The following BICD1 variants were observed in gnomAD, a reference collection of about 807,000 sequenced individuals.
BICD1 encodes the protein protein bicaudal D homolog 1.
BICD1 carries 35 observed loss-of-function variants against 92.5 expected under a neutral mutation model. The ratio of observed to expected loss-of-function variants is 0.38; its 90% CI spans 0.29 to 0.50. The LOEUF (loss-of-function observed/expected upper bound fraction) is 0.50. BICD1 is among the 20% of genes least tolerant of loss of function. The pLI is 0.93. For synonymous variants in BICD1, 429 were observed against 465.1 expected (o/e 0.92, Z 1.00); for missense variants, 950 against 1,189.8 (o/e 0.80, Z 2.97).
chr12:32,148,315 A>T (rs1421832496), intron 1 of BICD1, among the ~76,000 whole-genome samples: 1 of 152,008 alleles, frequency 6.6e-6, no homozygotes, highest in African/African-American at 2.4e-5. Flanking sequence ...GGCAAATCTC[A>T]TACTGATTCT....
chr12:32,279,209 C>A (rs761014091), intron 2 of BICD1, among the ~76,000 whole-genome samples: 1 of 152,042 alleles, frequency 6.6e-6, no homozygotes, highest in South Asian at 2.1e-4. Context: ...CTGGGACTTG[C>A]GGGGATAGAA....
rs749084742 is a variant in BICD1, at chr12:32,327,617, A to G, written c.1162A>G (p.Lys388Glu). The change falls in exon 5 of 10, where the codon AAG becomes GAG. Residue 388 changes from lysine to glutamate, a missense_variant. By Grantham distance (56) the Lys-to-Glu change is moderately conservative. Transcript: ENST00000652176. Reference sequence around the variant, plus strand: ...GGGCCTGCAAAGCAGCAAGGAGCTCAAGGCTGAGCTGGACGGGGAGAAGGG... The same window carrying G: ...GGGCCTGCAAAGCAGCAAGGAGCTCGAGGCTGAGCTGGACGGGGAGAAGGG... The part of the protein sequence containing the change: ...MRGLQSSKEL[K>E]AELDGEKGRD... 4 of 1,614,040 alleles carry G rather than the reference A, an allele frequency of 2.5e-6. No homozygotes were observed. In the South Asian group the frequency reaches 4.4e-5, roughly 18 times the overall value.
intron 8 of BICD1, among the ~76,000 whole-genome samples, chr12:32,363,142 G>A (rs753491552): frequency 6.6e-6 from 1 of 151,932 alleles, no homozygotes; most frequent in Non-Finnish European, 1.5e-5. Context: ...TCCCTTCTAC[G>A]TGAGGCCCTT....
At chr12:32,192,942 T>C (rs1442271295) in intron 1 of BICD1, among the ~76,000 whole-genome samples, 1 of 152,214 alleles carries the variant, frequency 6.6e-6, no homozygotes, top group Non-Finnish European at 1.5e-5. Context: ...TTCTTATGGA[T>C]GAACATCCTT....
At chr12:32,132,575 G>A (rs1181546186) in intron 1 of BICD1, among the ~76,000 whole-genome samples, 1 of 152,132 alleles carries the variant, frequency 6.6e-6, no homozygotes, top group African/African-American at 2.4e-5. Flanking sequence ...CCTAGTCACT[G>A]TCATTACAAA....
At chr12:32,164,250 C>T (rs1419521839) in intron 1 of BICD1, among the ~76,000 whole-genome samples, 1 of 152,164 alleles carries the variant, frequency 6.6e-6, no homozygotes, top group Non-Finnish European at 1.5e-5. Context: ...TGTTAATTAT[C>T]CTGATAATGT....
intron 8 of BICD1, among the ~76,000 whole-genome samples, chr12:32,362,918 T>C (rs1049895837): frequency 6.6e-6 from 1 of 152,110 alleles, no homozygotes; most frequent in Non-Finnish European, 1.5e-5. Flanking sequence ...TCAAAAACAC[T>C]TATTTTCCTC....
intron 2 of BICD1, among the ~76,000 whole-genome samples, chr12:32,256,280 C>T (rs931777248): frequency 6.6e-6 from 1 of 152,162 alleles, no homozygotes; most frequent in Admixed American, 6.6e-5. Context: ...GAACTTCTGG[C>T]TTCAAGCAGT....
chr12:32,118,007 C>A (rs1052530397), intron 1 of BICD1, among the ~76,000 whole-genome samples: 1 of 151,556 alleles, frequency 6.6e-6, no homozygotes, highest in African/African-American at 2.4e-5. Context: ...GCCTCGGCCT[C>A]CCAAAGTGCT....
chr12:32,365,841 A>C (rs552636023), intron 8 of BICD1, among the ~76,000 whole-genome samples: 3 of 152,334 alleles, frequency 2.0e-5, no homozygotes, highest in South Asian at 4.1e-4. Context: ...ACAAAAGGGA[A>C]TCTGGAGCTA....
At chr12:32,200,935 G>T (rs979581798) in intron 1 of BICD1, among the ~76,000 whole-genome samples, 5 of 152,068 alleles carry the variant, frequency 3.3e-5, no homozygotes, top group African/African-American at 1.2e-4. Flanking sequence ...ATTTTTCTTT[G>T]CTTAATACTA....
At chr12:32,180,491 C>T (rs750648620) in intron 1 of BICD1, among the ~76,000 whole-genome samples, 2 of 151,906 alleles carry the variant, frequency 1.3e-5, no homozygotes, top group African/African-American at 4.8e-5. Flanking sequence ...TATCGGATTT[C>T]CAAAGATACC....
chr12:32,370,473 G>T (rs1409659285), intron 9 of BICD1, among the ~76,000 whole-genome samples: 1 of 152,066 alleles, frequency 6.6e-6, no homozygotes, highest in Non-Finnish European at 1.5e-5. Context: ...TAAGAACAGG[G>T]CTCTTCACCT....
chr12:32,181,581 G>T (rs1198352309), intron 1 of BICD1, among the ~76,000 whole-genome samples: 4 of 151,682 alleles, frequency 2.6e-5, no homozygotes, highest in African/African-American at 9.7e-5. Context: ...CTCATTTTAT[G>T]CATATAAATG....
chr12:32,378,308 A>C lies in BICD1; in HGVS notation c.*681A>C, dbSNP rs1940058179. On this transcript the variant is annotated 3_prime_UTR_variant, in exon 10 of 10. Coordinates refer to ENST00000652176, the MANE Select transcript of BICD1 (RefSeq NM_001714.4). ...TTACTTTCTAATCAGTAGCTCATTA[A>C]CTGCTGGGTTTTGTTTTTGTATTTT... 1 of 152,244 alleles carries C rather than the reference A, an allele frequency of 6.6e-6. No individual in the cohort carries two copies. Among genetic ancestry groups the C allele is most frequent in the Admixed American group, 6.5e-5 (1 of 15,280 alleles). The allele number at this position is 152,244 out of a possible 1,614,324, so 9.4% of individuals were successfully genotyped here. A position where few individuals can be genotyped will look rare whatever the true frequency, so the allele number is the denominator to read the frequency against.
chr12:32,268,569 G>T (rs902046028), intron 2 of BICD1, among the ~76,000 whole-genome samples: 3 of 152,176 alleles, frequency 2.0e-5, no homozygotes, highest in Non-Finnish European at 4.4e-5. Flanking sequence ...GCCAAGGCAG[G>T]TGGATCACTT....
chr12:32,187,760 C>A (rs1393283884), intron 1 of BICD1, among the ~76,000 whole-genome samples: 1 of 152,158 alleles, frequency 6.6e-6, no homozygotes, highest in Non-Finnish European at 1.5e-5. Flanking sequence ...GTAAGAACTA[C>A]CTATTGGGTA....
rs147051135 is a variant in BICD1 at position 32,334,058 on chromosome 12, G to C, written c.2101-458G>C. ...CAATGGTGTATGTCTTTTATTCTAT[G>C]TTTTGGGCCCACAGAGCACAGGTGA... On this transcript the variant is annotated intron_variant, in intron 5 of 9. Transcript: ENST00000652176. 2.0e-5 allele frequency among the ~76,000 whole-genome samples: 3 copies of C among 152,108 alleles called. No individual in the cohort carries two copies. The East Asian group carries it at 5.8e-4, about 29-fold the overall frequency.
chr12:32,301,765 AC>A (rs1410162866), intron 3 of BICD1, among the ~76,000 whole-genome samples: 2 of 152,168 alleles, frequency 1.3e-5, no homozygotes, highest in Non-Finnish European at 2.9e-5. Flanking sequence ...ACAGAGCAAG[AC>A]CCTGTCACAA....
Sources: gnomAD v4.1 joint callset for allele counts (sites outside exome capture counted in the v4.1 genomes callset) on GRCh38, gnomAD v4.1.1 for gene constraint, MANE v1.5 for transcripts, NCBI Gene and HGNC (gene_info 2026-07-23, HGNC 2026-07-21) for gene names.